The following MFSD6 variants were observed in gnomAD, a reference collection of about 807,000 sequenced individuals.
MFSD6 encodes the protein major facilitator superfamily domain-containing protein 6.
Under a neutral mutation model 56.3 loss-of-function variants are expected in MFSD6, and 26 were observed. The ratio of observed to expected loss-of-function variants is 0.46; its 90% CI spans 0.34 to 0.64. The LOEUF is 0.64. MFSD6 is among the 30% of genes least tolerant of loss of function. The probability of loss-of-function intolerance (pLI) is 0.01; values close to 1 mark genes in which losing one functional copy is unlikely to be tolerated. For synonymous variants in MFSD6, 331 were observed against 366.9 expected (o/e 0.90, Z 1.12); for missense variants, 750 against 986.2 (o/e 0.76, Z 3.21).
intron 2 of MFSD6, among the ~76,000 whole-genome samples, chr2:190,422,466 T>G (rs1484043965): frequency 2.0e-5 from 3 of 152,192 alleles, no homozygotes; most frequent in Non-Finnish European, 2.9e-5. Flanking sequence ...ACATAAGAGA[T>G]AAATTTTGTG....
Position 190,438,577 on chromosome 2 carries a change from T to C in MFSD6, c.1532+1016T>C, listed in dbSNP as rs1686260287. ...TGTTGTGTACTATTTCTTCTCACCA[T>C]TAATGTGCACCTTGCTCTTTAGAGA... On this transcript the variant is annotated intron_variant, in intron 3 of 7. Transcript: ENST00000392328. The surrounding 1 kb of genome is among the most constrained non-coding windows in gnomAD (Gnocchi z 5.2). Among the ~76,000 whole-genome samples, 2 of 152,216 alleles carry C rather than the reference T, an allele frequency of 1.3e-5. No individual in the cohort carries two copies. Among genetic ancestry groups the C allele is most frequent in the Admixed American group, 6.5e-5 (1 of 15,280 alleles).
In MFSD6 at chr2:190,437,679, G is replaced by C; in HGVS notation, c.1532+118G>C. The stretch of plus-strand genomic sequence containing the variant: ...AATTTGTGTTGAGGATAGGGTTGGA[G>C]TGGAAATGGGGATTTCTGTTTCTTT... On this transcript the variant is annotated intron_variant, in intron 3 of 7. Transcript: ENST00000392328. This position sits in a 1 kb window ranked among gnomAD's most constrained non-coding sequence, Gnocchi z 5.9. 8.3e-7 allele frequency: 1 copy of C among 1,203,398 alleles called. No homozygotes were observed. The highest frequency in any genetic ancestry group is 1.6e-5 in the South Asian group (1 of 61,630). 74.5% of individuals were successfully genotyped at this position (1,203,398 alleles called of 1,614,324 possible).
chr2:190,441,276 T>C (rs1686364833), intron 3 of MFSD6, among the ~76,000 whole-genome samples: 1 of 152,080 alleles, frequency 6.6e-6, no homozygotes, highest in Non-Finnish European at 1.5e-5. Context: ...GCTAATGTAT[T>C]GGTTCTCAAC....
chr2:190,466,369 C>T (rs371145446), intron 3 of MFSD6, among the ~76,000 whole-genome samples: 6 of 152,178 alleles, frequency 3.9e-5, no homozygotes, highest in African/African-American at 1.4e-4. Context: ...AGTAAATATA[C>T]GTGTACTTCT....
chr2:190,417,603 T>C lies in MFSD6; in HGVS notation c.-54+2190T>C, dbSNP rs1690831932. On this transcript the variant is annotated intron_variant, in intron 2 of 7. Coordinates refer to ENST00000392328, the MANE Select transcript of MFSD6 (RefSeq NM_017694.4). This position sits in a 1 kb window ranked among gnomAD's most constrained non-coding sequence, Gnocchi z 5.7. ...TGTCTTTTTTTCAGTATAATTCCATTGTATTTTGTGTTCTGTCGTCCCTCA... is the reference window on the plus strand; with the variant it reads ...TGTCTTTTTTTCAGTATAATTCCATCGTATTTTGTGTTCTGTCGTCCCTCA... Among the ~76,000 whole-genome samples the C allele has an allele frequency of 6.6e-6, 1 of 152,142 alleles. No homozygotes were observed. Among genetic ancestry groups the C allele is most frequent in the Non-Finnish European group, 1.5e-5 (1 of 68,018 alleles).
intron 2 of MFSD6, among the ~76,000 whole-genome samples, chr2:190,419,396 G>C (rs2124993797): frequency 1.3e-5 from 2 of 152,366 alleles, no homozygotes; most frequent in South Asian, 4.1e-4. Context: ...ACAAGACAGA[G>C]CTGGCTGCAA....
chr2:190,448,292 A>G (rs564717117), intron 3 of MFSD6, among the ~76,000 whole-genome samples: 1 of 152,344 alleles, frequency 6.6e-6, no homozygotes, highest in Non-Finnish European at 1.5e-5. Flanking sequence ...TGGCCTAAAA[A>G]TTACATTTTT....
chr2:190,469,759 G>A lies in MFSD6; in HGVS notation c.1534G>A (p.Val512Ile). 1 of 1,013,204 alleles carries A rather than the reference G, an allele frequency of 9.9e-7. No individual in the cohort carries two copies. Among genetic ancestry groups the A allele is most frequent in the Non-Finnish European group, 1.4e-6 (1 of 730,616 alleles). The allele number at this position is 1,013,204 out of a possible 1,614,324, so 62.8% of individuals were successfully genotyped here. The change falls in exon 4 of 8, where the codon GTT becomes ATT. Residue 512 changes from valine (V) to isoleucine (I), a missense_variant and splice_region_variant. By Grantham distance (29) the Val-to-Ile change is conservative. Around this residue, in one of 5 missense-constraint regions of MFSD6, gnomAD observed 125 missense variants for 223.1 expected, o/e 0.56. Coordinates refer to ENST00000392328, the MANE Select transcript of MFSD6 (RefSeq NM_017694.4). The surrounding 1 kb of genome is among the most constrained non-coding windows in gnomAD (Gnocchi z 5.3). ...TTTTTATTTTTTATTTTTTTTTAGG[G>A]TTCTGTACATTGGCCTGGCCTGCAA... ...KLIELIGHIR[V>I]LYIGLACNTA...
rs1235872376 is a variant in MFSD6, at chr2:190,459,864, A to AGCT, written c.1533-9891_1533-9889dup. 6.6e-6 allele frequency among the ~76,000 whole-genome samples: 1 copy of AGCT among 152,256 alleles called. No homozygotes were observed. Among genetic ancestry groups the AGCT allele is most frequent in the African/African-American group, 2.4e-5 (1 of 41,470 alleles). ...AGAAACAATAGAAGGAAGTATTAGT[A>AGCT]GCTGCAGAAAATATACACAGCTAAA... On this transcript the variant is annotated intron_variant, in intron 3 of 7. Coordinates refer to ENST00000392328, the MANE Select transcript of MFSD6 (RefSeq NM_017694.4). This position sits in a 1 kb window ranked among gnomAD's most constrained non-coding sequence, Gnocchi z 5.3.
At position 190,426,807 on chromosome 2, in the gene MFSD6, T is replaced by A. The variant is rs1310739424; in HGVS notation, c.-53-9170T>A. On this transcript the variant is annotated intron_variant, in intron 2 of 7. Transcript: ENST00000392328. The surrounding 1 kb of genome is among the most constrained non-coding windows in gnomAD (Gnocchi z 4.7). ...TGATTTTTTATTGAAAGCAAGATGTTTTGGGTATTATTTTATGAGACTGTG... is the reference window on the plus strand; with the variant it reads ...TGATTTTTTATTGAAAGCAAGATGTATTGGGTATTATTTTATGAGACTGTG... Among the ~76,000 whole-genome samples the A allele has an allele frequency of 6.6e-6, 1 of 151,048 alleles. No homozygotes were observed. Among genetic ancestry groups the A allele is most frequent in the Non-Finnish European group, 1.5e-5 (1 of 67,948 alleles).
intron 1 of MFSD6, among the ~76,000 whole-genome samples, chr2:190,414,712 A>C (rs1189880589): frequency 6.6e-6 from 1 of 152,238 alleles, no homozygotes; most frequent in Non-Finnish European, 1.5e-5. Flanking sequence ...TATTTAAAAT[A>C]ATTCCTTTTT....
At position 190,475,937 on chromosome 2, in the gene MFSD6, A is replaced by G. The variant is rs534853190; in HGVS notation, c.1630+6082A>G. Among the ~76,000 whole-genome samples, 621 of 152,318 alleles carry G rather than the reference A, an allele frequency of 4.1e-3. 6 individuals are homozygous for G. Among genetic ancestry groups the G allele is most frequent in the African/African-American group, 0.014 (582 of 41,572 alleles). On this transcript the variant is annotated intron_variant, in intron 4 of 7. Transcript: ENST00000392328. ...TCTACAACTATCTGATCTTTGACAA[A>G]CCTGACAAAAACAAGAAATAGGGAA...
chr2:190,493,024 C>T (rs1442296088), intron 6 of MFSD6, among the ~76,000 whole-genome samples: 1 of 151,882 alleles, frequency 6.6e-6, no homozygotes, highest in East Asian at 1.9e-4. Flanking sequence ...AATAGTACCT[C>T]ACATTTCAAT....
intron 3 of MFSD6, among the ~76,000 whole-genome samples, chr2:190,455,772 T>G (rs1025993031): frequency 2.6e-5 from 4 of 151,816 alleles, no homozygotes; most frequent in Non-Finnish European, 5.9e-5. Flanking sequence ...CCTTTTTTTT[T>G]TGTGATTCCT....
chr2:190,482,388 C>T (rs990071553), intron 4 of MFSD6, among the ~76,000 whole-genome samples: 1 of 150,690 alleles, frequency 6.6e-6, no homozygotes, highest in African/African-American at 2.4e-5. Context: ...GTTGACCTTT[C>T]GGAAGCTTTC....
rs759711822 is a variant in MFSD6, at chr2:190,438,409, G to A, written c.1532+848G>A. On this transcript the variant is annotated intron_variant, in intron 3 of 7. Transcript: ENST00000392328. This position sits in a 1 kb window ranked among gnomAD's most constrained non-coding sequence, Gnocchi z 5.2. ...CACGCACCCGTAGTCCCAGCTACTC[G>A]GGAGGCTGACGCACAAGAATCACTT... 2.6e-5 allele frequency among the ~76,000 whole-genome samples: 4 copies of A among 152,108 alleles called. No individual in the cohort carries two copies. The highest frequency in any genetic ancestry group is 4.4e-5 in the Non-Finnish European group (3 of 68,024).
At chr2:190,427,812 A>G (rs959009517) in intron 2 of MFSD6, among the ~76,000 whole-genome samples, 1 of 151,904 alleles carries the variant, frequency 6.6e-6, no homozygotes, top group African/African-American at 2.4e-5. Context: ...GCTCACTGCA[A>G]TCCCCACCTC....
In MFSD6 at chr2:190,497,864, T is replaced by A; in HGVS notation, c.2172+145T>A. ...AGACATGCAAACAATTTCAGTACTC[T>A]GTGAGCACTGAGTTAAAGAGGGTGT... is the stretch of plus-strand genomic sequence containing the variant. On this transcript the variant is annotated intron_variant, in intron 7 of 7. Transcript: ENST00000392328. The surrounding 1 kb of genome is among the most constrained non-coding windows in gnomAD (Gnocchi z 5.2). The A allele has an allele frequency of 5.5e-6, 5 of 916,492 alleles. No homozygotes were observed. The highest frequency in any genetic ancestry group is 8.1e-6 in the Non-Finnish European group (5 of 617,600). The allele number at this position is 916,492 out of a possible 1,614,324, so 56.8% of individuals were successfully genotyped here.
In MFSD6 at chr2:190,463,981, C is replaced by A; in HGVS notation, c.1533-5777C>A. Reference sequence around the variant, plus strand: ...AGGGATCTGGTGTCAACAACCAGCTCTTTTCATTAGGAAATCTAGTAAAAA... The same window carrying A: ...AGGGATCTGGTGTCAACAACCAGCTATTTTCATTAGGAAATCTAGTAAAAA... On this transcript the variant is annotated intron_variant, in intron 3 of 7. Coordinates refer to ENST00000392328, the MANE Select transcript of MFSD6 (RefSeq NM_017694.4). The surrounding 1 kb of genome is among the most constrained non-coding windows in gnomAD (Gnocchi z 4.4). 1.2e-5 allele frequency: 9 copies of A among 777,850 alleles called. No individual in the cohort carries two copies. Among genetic ancestry groups the A allele is most frequent in the Non-Finnish European group, 1.2e-5 (8 of 640,634 alleles). The allele number at this position is 777,850 out of a possible 1,614,324, so 48.2% of individuals were successfully genotyped here.
Sources: allele counts gnomAD v4.1 joint callset (sites outside exome capture counted in the v4.1 genomes callset), GRCh38; gene constraint gnomAD v4.1.1; regional missense constraint gnomAD v4.1.1; non-coding constraint Gnocchi (gnomAD v3.1); transcripts MANE v1.5; gene names NCBI Gene and HGNC (gene_info 2026-07-23, HGNC 2026-07-21).